Variants in PEAK1 observed in about 807,000 individuals in gnomAD.
PEAK1 encodes inactive tyrosine-protein kinase PEAK1.
Under a neutral mutation model 124.7 loss-of-function variants are expected in PEAK1, and 54 were observed. The observed-to-expected ratio is 0.43, with a 90% CI of 0.35 to 0.54. The LOEUF is 0.54. PEAK1 is among the 20% of genes least tolerant of loss of function. PEAK1 has a pLI of 0.01. For missense variants in PEAK1, 2,046 were observed against 2,134.5 expected (o/e 0.96, Z 0.82); for synonymous variants, 719 against 760.0 (o/e 0.95, Z 0.89).
At chr15:77,297,016 A>T (rs967490614) in intron 2 of PEAK1, among the ~76,000 whole-genome samples, 1 of 151,874 alleles carries the variant, frequency 6.6e-6, no homozygotes, top group African/African-American at 2.4e-5. Flanking sequence ...ATTGGACTTA[A>T]TCAGAAGTAA....
At chr15:77,252,982 G>C (rs913744930) in intron 5 of PEAK1, among the ~76,000 whole-genome samples, 7 of 152,086 alleles carry the variant, frequency 4.6e-5, no homozygotes, top group African/African-American at 1.7e-4. Flanking sequence ...TGCAGTTTTA[G>C]TTTAGGCTCA....
chr15:77,226,082 TA>T (rs1433696475), intron 6 of PEAK1, among the ~76,000 whole-genome samples: 14 of 137,538 alleles, frequency 1.0e-4, no homozygotes, highest in African/African-American at 3.5e-4. Flanking sequence ...TATATATATA[TA>T]TATATTACAC....
At chr15:77,168,237 G>GCACACACACA (rs113937076) in intron 7 of PEAK1, among the ~76,000 whole-genome samples, 1,783 of 147,260 alleles carry the variant, frequency 0.012, 18 homozygotes, top group Middle Eastern at 0.021. Flanking sequence ...ATGTGCGCGC[G>GCACACACACA]CACACACACA....
chr15:77,183,697 G>A (rs1322845197), intron 6 of PEAK1, among the ~76,000 whole-genome samples: 1 of 151,964 alleles, frequency 6.6e-6, no homozygotes, highest in Non-Finnish European at 1.5e-5. Flanking sequence ...GAGAAATTAT[G>A]TGAAACATTC....
At chr15:77,256,437 AATACAATGGTCTAC>A (rs1327361354) in intron 5 of PEAK1, among the ~76,000 whole-genome samples, 1 of 152,104 alleles carries the variant, frequency 6.6e-6, no homozygotes, top group Admixed American at 6.6e-5. Context: ...ATAGAATGGA[AATACAATGGTCTAC>A]TAGGAATCTG....
chr15:77,136,160 C>T (rs1017159502), intron 8 of PEAK1, among the ~76,000 whole-genome samples: 2 of 152,104 alleles, frequency 1.3e-5, no homozygotes, highest in Admixed American at 6.5e-5. Context: ...ATAAGGAACT[C>T]GTTGTGAACT....
chr15:77,420,526 C>T (rs1272551167), upstream of PEAK1: 1 of 199,638 alleles, frequency 5.0e-6, no homozygotes, highest in Non-Finnish European at 1.0e-5. Context: ...TCGGGGCCCG[C>T]TAGGTCAGCC....
At chr15:77,291,759 C>T (rs1212340208) in intron 2 of PEAK1, among the ~76,000 whole-genome samples, 1 of 151,982 alleles carries the variant, frequency 6.6e-6, no homozygotes, top group Non-Finnish European at 1.5e-5. Context: ...AAGTGGACCA[C>T]GAGGTCAGGA....
At chr15:77,405,018 T>G (rs1469109173) in intron 1 of PEAK1, among the ~76,000 whole-genome samples, 3 of 151,858 alleles carry the variant, frequency 2.0e-5, no homozygotes, top group Admixed American at 2.0e-4. Context: ...TTTGTTTTTT[T>G]TTTTTTGAGA....
chr15:77,339,243 T>C (rs1456734075), intron 2 of PEAK1, among the ~76,000 whole-genome samples: 2 of 151,872 alleles, frequency 1.3e-5, no homozygotes, highest in African/African-American at 4.8e-5. Context: ...GCGGGGTAGC[T>C]GGGACTAAAA....
At chr15:77,392,635 A>G (rs2070565858) in intron 1 of PEAK1, among the ~76,000 whole-genome samples, 1 of 152,142 alleles carries the variant, frequency 6.6e-6, no homozygotes, top group African/African-American at 2.4e-5. Flanking sequence ...TTTGAATAGG[A>G]AAACACAGGT....
rs2073094943 is a variant in PEAK1 at position 77,418,740 on chromosome 15, G to T, written c.-666+1266C>A. 3 of 985,222 alleles carry T rather than the reference G, an allele frequency of 3.0e-6. No homozygotes were observed. In the South Asian group the frequency reaches 1.4e-4, roughly 46 times the overall value. 61.0% of individuals were successfully genotyped at this position (985,222 alleles called of 1,614,324 possible). A position where few individuals can be genotyped will look rare whatever the true frequency, so the allele number is the denominator to read the frequency against. On this transcript the variant is annotated intron_variant, in intron 1 of 9. Coordinates refer to ENST00000682557, the MANE Select transcript of PEAK1 (RefSeq NM_001385026.1). ...TGCTCATGGAAAGTTTTACCCCGGT[G>T]GATAATTCACGTTTTTCACTTCCAC...
chr15:77,420,117 C>T (rs1320328289), upstream of PEAK1: 1 of 150,772 alleles, frequency 6.6e-6, no homozygotes, highest in Non-Finnish European at 1.5e-5. Context: ...CAACAACTAA[C>T]TAACTACTCG....
intron 7 of PEAK1, among the ~76,000 whole-genome samples, chr15:77,168,232 C>CGT (rs767342214): frequency 5.4e-5 from 4 of 74,494 alleles, no homozygotes; most frequent in East Asian, 3.5e-4. Context: ...TATGCATGTG[C>CGT]GCGCGCACAC....
chr15:77,119,548 A>T (rs1596249008), intron 9 of PEAK1, among the ~76,000 whole-genome samples: 2 of 152,320 alleles, frequency 1.3e-5, no homozygotes, highest in East Asian at 3.9e-4. Flanking sequence ...CCACTGATAA[A>T]TCATCTGTTG....
chr15:77,169,480 T>C lies in PEAK1; in HGVS notation c.3137+9310A>G, dbSNP rs573465198. ...TGGTTAAATAACACTAAGATAACCA[T>C]GATTTTAGTCACTAACCAAGTGTTT... On this transcript the variant is annotated intron_variant, in intron 7 of 9. Coordinates refer to ENST00000682557, the MANE Select transcript of PEAK1 (RefSeq NM_001385026.1). 4.9e-4 allele frequency among the ~76,000 whole-genome samples: 74 copies of C among 152,334 alleles called. 1 individual carries two copies. The South Asian group carries it at 6.6e-3, about 14-fold the overall frequency.
At chr15:77,343,658 G>GT (rs1490425312) in intron 2 of PEAK1, among the ~76,000 whole-genome samples, 1 of 151,614 alleles carries the variant, frequency 6.6e-6, no homozygotes, top group African/African-American at 2.4e-5. Flanking sequence ...GCTAATTTTT[G>GT]TATTTTTTAT....
chr15:77,334,321 T>C (rs956068434), intron 2 of PEAK1: 1 of 985,362 alleles, frequency 1.0e-6, no homozygotes, highest in South Asian at 4.7e-5. Flanking sequence ...TTGAAATGAC[T>C]GCCCAACCAT....
At chr15:77,309,398 A>G (rs1050831764) in intron 2 of PEAK1, among the ~76,000 whole-genome samples, 6 of 152,112 alleles carry the variant, frequency 3.9e-5, no homozygotes, top group Non-Finnish European at 7.4e-5. Context: ...CACAAGTTTT[A>G]TAATTAATGA....
Sources: allele counts gnomAD v4.1 joint callset (sites outside exome capture counted in the v4.1 genomes callset), GRCh38; gene constraint gnomAD v4.1.1; transcripts MANE v1.5; gene names NCBI Gene and HGNC (gene_info 2026-07-23, HGNC 2026-07-21).